ZAR1L: variants seen among roughly 807,000 people sequenced by gnomAD.
The protein encoded by ZAR1L is zygote arrest 1 like.
ZAR1L carries 16 observed loss-of-function variants against 30.0 expected under a neutral mutation model. That is an observed-to-expected ratio of 0.53 (90% confidence interval 0.36 to 0.81). ZAR1L has a LOEUF of 0.81. ZAR1L is among the 30% of genes least tolerant of loss of function. The pLI is 0.00. For synonymous variants in ZAR1L, 197 were observed against 166.8 expected (o/e 1.18, Z -1.40); for missense variants, 392 against 417.2 (o/e 0.94, Z 0.53).
chr13:32,314,462 TTGTATTAGGCA>T lies in ZAR1L; in HGVS notation c.-312_-302del. 1 of 152,362 alleles carries T rather than the reference TTGTATTAGGCA, an allele frequency of 6.6e-6. No individual in the cohort carries two copies. The highest frequency in any genetic ancestry group is 3.4e-3 in the Middle Eastern group (1 of 294). The allele number at this position is 152,362 out of a possible 1,614,324, so 9.4% of individuals were successfully genotyped here. A position where few individuals can be genotyped will look rare whatever the true frequency, so the allele number is the denominator to read the frequency against. On this transcript the variant is annotated 5_prime_UTR_variant, in exon 2 of 6. An upstream start codon of the reference 5' UTR is lost. Coordinates refer to ENST00000533490, the MANE Select transcript of ZAR1L (RefSeq NM_001136571.2). ...GTCTTACAACAAACCCTATTCAGCC[TTGTATTAGGCA>T]TGTTACAGAACCAACGAATTCGGAG...
Position 32,303,913 on chromosome 13 carries a change from C to A in ZAR1L, c.932G>T (p.Cys311Phe). ...ATATTTAAAGCTGTAAATATTGCCA[C>A]AGGAGAATCTCTTGTCTTTGCAGCG... ...CGRCKDKRFS[C>F]GNIYSFKYVM The change falls in exon 6 of 6, where the codon TGT (cysteine) becomes TTT (phenylalanine). Residue 311 changes from cysteine to phenylalanine, a missense_variant. By Grantham distance (205) the Cys-to-Phe change is radical. Coordinates refer to ENST00000533490, the MANE Select transcript of ZAR1L (RefSeq NM_001136571.2). 6.4e-7 allele frequency: 1 copy of A among 1,551,810 alleles called. No individual in the cohort carries two copies. Among genetic ancestry groups the A allele is most frequent in the Non-Finnish European group, 8.7e-7 (1 of 1,147,012 alleles).
intron 4 of ZAR1L, among the ~76,000 whole-genome samples, chr13:32,310,185 A>C (rs1180629937): frequency 1.3e-5 from 2 of 152,268 alleles, no homozygotes; most frequent in African/African-American, 4.8e-5. Context: ...TTCCAGTCCT[A>C]ATATGTTGGC....
chr13:32,304,509 C>A (rs2072160085), intron 5 of ZAR1L, among the ~76,000 whole-genome samples: 1 of 152,174 alleles, frequency 6.6e-6, no homozygotes, highest in South Asian at 2.1e-4. Context: ...GGTGATTTTA[C>A]TCCCCCATCT....
At chr13:32,310,820 T>A in intron 3 of ZAR1L, 89 bp from the exon 4 acceptor site, 1 of 850,394 alleles carries the variant, frequency 1.2e-6, no homozygotes, top group Non-Finnish European at 1.9e-6. Flanking sequence ...GAAAAAAAAA[T>A]GACTTCTTTA....
At chr13:32,312,360 A>T (rs1161591586) in intron 2 of ZAR1L, among the ~76,000 whole-genome samples, 4 of 152,224 alleles carry the variant, frequency 2.6e-5, no homozygotes, top group East Asian at 3.8e-4. Flanking sequence ...AAGGTTCCTT[A>T]AAAAAGTTAA....
Position 32,308,674 on chromosome 13 carries a change from C to A in ZAR1L, c.822+12G>T. 6.5e-7 allele frequency: 1 copy of A among 1,543,848 alleles called. No homozygotes were observed. Among genetic ancestry groups the A allele is most frequent in the South Asian group, 1.2e-5 (1 of 83,802 alleles). On this transcript the variant is annotated intron_variant, in intron 5 of 5. Coordinates refer to ENST00000533490, the MANE Select transcript of ZAR1L (RefSeq NM_001136571.2). ...GAAACATAGACACAATGGAAGTGTTCCATATGCTCACCTGACATTGGATTG... is the reference window on the plus strand; with the variant it reads ...GAAACATAGACACAATGGAAGTGTTACATATGCTCACCTGACATTGGATTG...
rs2072232976 is a variant in ZAR1L at position 32,314,153 on chromosome 13, A to G, written c.-169+177T>C. On this transcript the variant is annotated intron_variant, in intron 2 of 5. Coordinates refer to ENST00000533490, the MANE Select transcript of ZAR1L (RefSeq NM_001136571.2). The stretch of plus-strand genomic sequence containing the variant: ...AAACCCAAAGCAGAATGCCTAACTC[A>G]TAAAATGTTTGGTAAGTGGCAGCTG... 3.3e-5 allele frequency among the ~76,000 whole-genome samples: 5 copies of G among 152,228 alleles called. No homozygotes were observed. In the South Asian group the frequency reaches 1.0e-3, roughly 32 times the overall value.
chr13:32,310,669 A>G lies in ZAR1L; in HGVS notation c.717T>C (p.Ala239=). ...TCGTTCCAGAAATGCACCACACGTAAGCACTCTCCCACCTGGTCTTACAAT... is the reference window on the plus strand; with the variant it reads ...TCGTTCCAGAAATGCACCACACGTAGGCACTCTCCCACCTGGTCTTACAAT... ...CKDCKTRWES[A]YVWCISGTNK... is the part of the protein sequence containing the mutation. The change falls in exon 4 of 6, where the codon GCT becomes GCC. Residue 239 remains alanine, a synonymous_variant. Transcript: ENST00000533490. 1 of 1,551,832 alleles carries G rather than the reference A, an allele frequency of 6.4e-7. No individual in the cohort carries two copies. The highest frequency in any genetic ancestry group is 1.2e-5 in the South Asian group (1 of 84,056).
chr13:32,308,081 A>G (rs926611343), intron 5 of ZAR1L, among the ~76,000 whole-genome samples: 2 of 152,190 alleles, frequency 1.3e-5, no homozygotes. Flanking sequence ...GATTACAGGC[A>G]TGATCCACCA....
At chr13:32,310,531 G>A (rs1406483236) in intron 4 of ZAR1L, 108 bp downstream of exon 4, 1 of 769,856 alleles carries the variant, frequency 1.3e-6, no homozygotes, top group Non-Finnish European at 2.2e-6. Context: ...ATGCCACCAA[G>A]ATCAAGACAG....
chr13:32,310,796 T>C (rs918110818), intron 3 of ZAR1L, 65 bp from the exon 4 acceptor site: 3 of 1,063,236 alleles, frequency 2.8e-6, no homozygotes, highest in African/African-American at 1.6e-5. Flanking sequence ...TCCTTCTTTA[T>C]GACTTTGTAT....
rs935204102 is a variant in ZAR1L at position 32,314,470 on chromosome 13, G to C, written c.-309C>G. On this transcript the variant is annotated 5_prime_UTR_variant, in exon 2 of 6. Coordinates refer to ENST00000533490, the MANE Select transcript of ZAR1L (RefSeq NM_001136571.2). ...ACAAACCCTATTCAGCCTTGTATTA[G>C]GCATGTTACAGAACCAACGAATTCG... 1.3e-5 allele frequency: 2 copies of C among 152,252 alleles called. No homozygotes were observed. Among genetic ancestry groups the C allele is most frequent in the African/African-American group, 2.4e-5 (1 of 41,466 alleles). 9.4% of individuals were successfully genotyped at this position (152,252 alleles called of 1,614,324 possible).
chr13:32,311,428 C>T lies in ZAR1L; in HGVS notation c.498G>A (p.Pro166=). Residue 166 remains proline (P), a synonymous_variant, in exon 3 of 6, where the codon CCG becomes CCA. Coordinates refer to ENST00000533490, the MANE Select transcript of ZAR1L (RefSeq NM_001136571.2). The part of the protein sequence containing the change: ...ALPGPAEASQ[P]QPPSRRSGAD... ...CTCCTGACCTCCGTGATGGTGGCTGCGGCTGGCTGGCCTCCGCAGGGCCCG... is the reference window on the plus strand; with the variant it reads ...CTCCTGACCTCCGTGATGGTGGCTGTGGCTGGCTGGCCTCCGCAGGGCCCG... The T allele has an allele frequency of 6.5e-7, 1 of 1,549,160 alleles. No individual in the cohort carries two copies. The highest frequency in any genetic ancestry group is 8.7e-7 in the Non-Finnish European group (1 of 1,146,906).
intron 5 of ZAR1L, among the ~76,000 whole-genome samples, chr13:32,307,593 A>G (rs2072185686): frequency 6.6e-6 from 1 of 151,672 alleles, no homozygotes; most frequent in African/African-American, 2.4e-5. Flanking sequence ...AACCATCAAA[A>G]GGACATTAAA....
rs749099968 is a variant in ZAR1L at position 32,311,829 on chromosome 13, C to A, written c.97G>T (p.Asp33Tyr). The A allele has an allele frequency of 6.4e-7, 1 of 1,551,662 alleles. No homozygotes were observed. Among genetic ancestry groups the A allele is most frequent in the Admixed American group, 2.0e-5 (1 of 51,010 alleles). Residue 33 changes from aspartate (D) to tyrosine (Y), a missense_variant, in exon 3 of 6, where the codon GAC becomes TAC. Asp to Tyr is a radical substitution (Grantham distance 160). Coordinates refer to ENST00000533490, the MANE Select transcript of ZAR1L (RefSeq NM_001136571.2). ...QPGLSGHKQP[D>Y]WRQNMGPPTF... ...GGAGGACCCATATTTTGCCTCCAGT[C>A]GGGCTGTTTGTGCCCTGAGAGTCCA...
intron 5 of ZAR1L, among the ~76,000 whole-genome samples, chr13:32,304,302 C>A (rs1398075956): frequency 1.3e-5 from 2 of 152,186 alleles, no homozygotes; most frequent in Admixed American, 1.3e-4. Context: ...TGTAGAATTT[C>A]TTCCCTATGT....
rs1475516271 is a variant in ZAR1L, at chr13:32,310,650, C to T, written c.736G>A (p.Gly246Arg). 6.4e-7 allele frequency: 1 copy of T among 1,550,798 alleles called. No homozygotes were observed. The highest frequency in any genetic ancestry group is 8.7e-7 in the Non-Finnish European group (1 of 1,146,018). Residue 246 changes from glycine (G) to arginine (R), a missense_variant, in exon 4 of 6, where the codon GGA (glycine) becomes AGA (arginine). Coordinates refer to ENST00000533490, the MANE Select transcript of ZAR1L (RefSeq NM_001136571.2). ...CTCTTTTTATTTACCTTGTTCGTTCCAGAAATGCACCACACGTAAGCACTC... is the reference window on the plus strand; with the variant it reads ...CTCTTTTTATTTACCTTGTTCGTTCTAGAAATGCACCACACGTAAGCACTC... ...WESAYVWCIS[G>R]TNKVYFKQLC...
chr13:32,311,725 C>A lies in ZAR1L; in HGVS notation c.201G>T (p.Gln67His). Residue 67 changes from glutamine (Q) to histidine (H), a missense_variant, in exon 3 of 6, where the codon CAG becomes CAT. Transcript: ENST00000533490. Reference protein sequence around the residue: ...DYCIDPYKRAQLKAILSQMNP... With the variant: ...DYCIDPYKRAHLKAILSQMNP... The stretch of plus-strand genomic sequence containing the variant: ...TCATCTGGGAGAGAATGGCCTTAAG[C>A]TGCGCCCTCTTGTAAGGGTCAATGC... The A allele has an allele frequency of 6.4e-7, 1 of 1,551,672 alleles. No homozygotes were observed. The highest frequency in any genetic ancestry group is 8.7e-7 in the Non-Finnish European group (1 of 1,147,004).
intron 5 of ZAR1L, among the ~76,000 whole-genome samples, chr13:32,305,560 G>A (rs2138684863): frequency 6.6e-6 from 1 of 152,186 alleles, no homozygotes; most frequent in East Asian, 1.9e-4. Context: ...ATACTCACAT[G>A]GTGTTTACTA....
Sources: allele counts gnomAD v4.1 joint callset (sites outside exome capture counted in the v4.1 genomes callset), GRCh38; gene constraint gnomAD v4.1.1; transcripts MANE v1.5; gene names NCBI Gene and HGNC (gene_info 2026-07-23, HGNC 2026-07-21).